SLC2A14: variants seen among roughly 807,000 people sequenced by gnomAD.
The protein encoded by SLC2A14 is solute carrier family 2 member 14, also known as solute carrier family 2, facilitated glucose transporter member 14.
SLC2A14 carries 13 observed loss-of-function variants against 43.0 expected under a neutral mutation model. The observed-to-expected ratio is 0.30, with a 90% CI of 0.20 to 0.48. The LOEUF (loss-of-function observed/expected upper bound fraction) is 0.48, where lower values mean the gene tolerates loss of function less well. Among genes scored for constraint, SLC2A14 ranks in the 20% least tolerant of loss-of-function variants. The probability of loss-of-function intolerance (pLI) is 0.99; values close to 1 mark genes in which losing one functional copy is unlikely to be tolerated. For missense variants in SLC2A14, 428 were observed against 620.4 expected, an observed-to-expected ratio of 0.69 and a Z score of 3.29; for synonymous variants, 190 against 233.8, an observed-to-expected ratio of 0.81 and a Z score of 1.71.
chr12:7,818,978 G>A (rs1565495078), intron 9 of SLC2A14, among the ~76,000 whole-genome samples: 1 of 152,196 alleles, frequency 6.6e-6, no homozygotes. Context: ...AGCACTTTGG[G>A]AGGCTGAGGC....
intron 2 of SLC2A14, among the ~76,000 whole-genome samples, chr12:7,847,018 C>T (rs987875313): frequency 6.6e-6 from 1 of 151,488 alleles, no homozygotes; most frequent in Admixed American, 6.6e-5. Flanking sequence ...TTTGGGAGGC[C>T]GAGGTGGGTG....
intron 1 of SLC2A14, among the ~76,000 whole-genome samples, chr12:7,886,118 G>T (rs895100857): frequency 6.9e-6 from 1 of 144,432 alleles, no homozygotes; most frequent in Admixed American, 7.2e-5. Flanking sequence ...TGAGTAGCTG[G>T]GATTACAGGC....
At chr12:7,821,192 C>T (rs1863878796) in intron 8 of SLC2A14, 29 bp downstream of exon 8, 1 of 1,554,560 alleles carries the variant, frequency 6.4e-7, no homozygotes, top group African/African-American at 1.4e-5. Context: ...TCATTTCTCC[C>T]CCCAAAATTA....
chr12:7,850,995 T>C (rs775966478), intron 2 of SLC2A14, among the ~76,000 whole-genome samples: 1 of 152,196 alleles, frequency 6.6e-6, no homozygotes, highest in Non-Finnish European at 1.5e-5. Context: ...ACCTCAACCC[T>C]GAACCCCAAT....
chr12:7,812,800 T>C lies in SLC2A14; in HGVS notation c.*1516A>G, dbSNP rs902566443. ...CACTGGCAAGGGTTTGGCTAAAGGG[T>C]CTGAGATGTGTAAGCACCAAGAAGG... On this transcript the variant is annotated 3_prime_UTR_variant, in exon 11 of 11. Transcript: ENST00000431042. 1.9e-4 allele frequency: 29 copies of C among 151,912 alleles called. No individual in the cohort carries two copies. Among genetic ancestry groups the C allele is most frequent in the African/African-American group, 7.0e-4 (29 of 41,332 alleles). The allele number at this position is 151,912 out of a possible 1,614,324, so 9.4% of individuals were successfully genotyped here.
At chr12:7,819,330 C>A in intron 9 of SLC2A14, 152 bp downstream of exon 9, 2 of 1,321,366 alleles carry the variant, frequency 1.5e-6, no homozygotes, top group Middle Eastern at 1.9e-4. Flanking sequence ...TCTCTGATGA[C>A]CCATGTTTCT....
chr12:7,879,234 T>A (rs1349484225), intron 1 of SLC2A14, among the ~76,000 whole-genome samples: 9 of 151,328 alleles, frequency 5.9e-5, no homozygotes, highest in African/African-American at 2.2e-4. Flanking sequence ...ATTATTATTA[T>A]TATTTTAACG....
chr12:7,874,725 TAA>T (rs373581941), upstream of SLC2A14, among the ~76,000 whole-genome samples: 107,568 of 129,508 alleles, frequency 0.83, 46,954 homozygotes, highest in South Asian at 0.94. Flanking sequence ...TATAAATATA[TAA>T]AAAATATATA....
chr12:7,824,330 C>G (rs78356676), intron 7 of SLC2A14, among the ~76,000 whole-genome samples: 7,765 of 152,134 alleles, frequency 0.051, 264 homozygotes, highest in East Asian at 0.14. Flanking sequence ...TAGGTTGGTA[C>G]AAAAGTAATT....
intron 1 of SLC2A14, among the ~76,000 whole-genome samples, chr12:7,886,927 T>TC (rs1268270216): frequency 6.6e-6 from 1 of 151,468 alleles, no homozygotes; most frequent in African/African-American, 2.4e-5. Context: ...TTTTTTTTTT[T>TC]TTGAGACTGA....
chr12:7,882,259 AAG>A (rs1424755357), intron 1 of SLC2A14, among the ~76,000 whole-genome samples: 2 of 151,818 alleles, frequency 1.3e-5, no homozygotes, highest in Non-Finnish European at 2.9e-5. Flanking sequence ...GGGTTGCCTT[AAG>A]AGAGCTGTAA....
chr12:7,875,773 GA>G (rs1945453814), upstream of SLC2A14, among the ~76,000 whole-genome samples: 1 of 152,094 alleles, frequency 6.6e-6, no homozygotes, highest in African/African-American at 2.4e-5. Flanking sequence ...AGGCGTTCAA[GA>G]CCAGCCTGGC....
At chr12:7,837,964 G>A (rs1565529132) in intron 2 of SLC2A14, among the ~76,000 whole-genome samples, 1 of 151,990 alleles carries the variant, frequency 6.6e-6, no homozygotes, top group Non-Finnish European at 1.5e-5. Context: ...TACCATATTG[G>A]TCAGTCTGGT....
intron 3 of SLC2A14, 122 bp downstream of exon 3, chr12:7,832,600 G>A (rs1865129762): frequency 5.8e-6 from 6 of 1,026,430 alleles, no homozygotes; most frequent in African/African-American, 1.6e-5. Context: ...CTCAGCCTCC[G>A]GAGTAGCTGG....
At chr12:7,868,586 T>C (rs747254079) in intron 2 of SLC2A14, among the ~76,000 whole-genome samples, 1 of 152,316 alleles carries the variant, frequency 6.6e-6, no homozygotes, top group Non-Finnish European at 1.5e-5. Context: ...GTGCCTGTAG[T>C]ATAATAGCTA....
At chr12:7,873,054 G>C (rs749410464), upstream of SLC2A14, 2 of 985,438 alleles carry the variant, frequency 2.0e-6, no homozygotes, top group African/African-American at 3.5e-5. Flanking sequence ...CGCGGTCGGG[G>C]TTGTCCGGCC....
At chr12:7,835,843 C>T (rs1865406685) in intron 2 of SLC2A14, among the ~76,000 whole-genome samples, 1 of 152,132 alleles carries the variant, frequency 6.6e-6, no homozygotes. Context: ...TTTTAATCTT[C>T]CTTTGTTAGG....
intron 2 of SLC2A14, among the ~76,000 whole-genome samples, chr12:7,849,594 T>C (rs1429362101): frequency 1.3e-5 from 2 of 151,558 alleles, no homozygotes; most frequent in African/African-American, 4.8e-5. Flanking sequence ...TTAAAATGTA[T>C]GTGGATATAT....
chr12:7,881,140 G>A (rs10846113), intron 1 of SLC2A14, among the ~76,000 whole-genome samples: 82,632 of 151,826 alleles, frequency 0.54, 22,967 homozygotes, highest in Admixed American at 0.65. Context: ...GCCCTCGCTC[G>A]CTCTCGGCAC....
Sources: allele counts gnomAD v4.1 joint callset (sites outside exome capture counted in the v4.1 genomes callset), GRCh38; gene constraint gnomAD v4.1.1; transcripts MANE v1.5; gene names NCBI Gene and HGNC (gene_info 2026-07-23, HGNC 2026-07-21).